The following PCNX2 variants were observed in gnomAD, a reference collection of about 807,000 sequenced individuals.
PCNX2 encodes pecanex 2.
A neutral mutation model predicts 223.8 loss-of-function variants in PCNX2; 168 were observed. The ratio of observed to expected loss-of-function variants is 0.75; its 90% CI spans 0.66 to 0.85. The LOEUF is 0.85. PCNX2 is among the 40% of genes least tolerant of loss of function. The probability of loss-of-function intolerance (pLI) is 0.00; values close to 1 mark genes in which losing one functional copy is unlikely to be tolerated. For missense variants in PCNX2, 2,507 were observed against 2,675.5 expected (o/e 0.94, Z 1.39); for synonymous variants, 1,006 against 1,052.6 (o/e 0.96, Z 0.86).
At position 233,081,472 on chromosome 1, in the gene PCNX2, T is replaced by G. The variant is rs1673355798; in HGVS notation, c.4076+8589A>C. On this transcript the variant is annotated intron_variant, in intron 23 of 33. Coordinates refer to ENST00000258229, the MANE Select transcript of PCNX2 (RefSeq NM_014801.4). ...TGTTGTCCATGAGGATCATCGAGGCTTCATTCCTGTTCTTATGCATCCCTG... is the reference window on the plus strand; with the variant it reads ...TGTTGTCCATGAGGATCATCGAGGCGTCATTCCTGTTCTTATGCATCCCTG... Among the ~76,000 whole-genome samples the G allele has an allele frequency of 1.3e-5, 2 of 152,254 alleles. 1 individual carries two copies. Among genetic ancestry groups the G allele is most frequent in the South Asian group, 4.1e-4 (2 of 4,834 alleles).
At chr1:233,278,393 A>G (rs1320738491) in intron 1 of PCNX2, among the ~76,000 whole-genome samples, 1 of 152,002 alleles carries the variant, frequency 6.6e-6, no homozygotes, top group Non-Finnish European at 1.5e-5. Context: ...CTCTCTGGGG[A>G]CTCTTGAGAT....
intron 15 of PCNX2, among the ~76,000 whole-genome samples, chr1:233,197,974 T>C (rs1319384393): frequency 6.6e-6 from 1 of 152,162 alleles, no homozygotes; most frequent in Non-Finnish European, 1.5e-5. Flanking sequence ...ATGTATAATA[T>C]TAATTTATTT....
rs1238939829 is a variant in PCNX2, at chr1:233,216,781, A to C, written c.2691+1118T>G. On this transcript the variant is annotated intron_variant, in intron 12 of 33. Coordinates refer to ENST00000258229, the MANE Select transcript of PCNX2 (RefSeq NM_014801.4). Reference sequence around the variant, plus strand: ...CCATGTTCATTGCAACACTGTTCACAATAGCCAAGACATGGTATCAACCTA... The same window carrying C: ...CCATGTTCATTGCAACACTGTTCACCATAGCCAAGACATGGTATCAACCTA... Among the ~76,000 whole-genome samples, 4 of 152,336 alleles carry C rather than the reference A, an allele frequency of 2.6e-5. No individual in the cohort carries two copies. The East Asian group carries it at 5.8e-4, about 22-fold the overall frequency.
At chr1:233,047,715 T>C (rs571346844) in intron 25 of PCNX2, among the ~76,000 whole-genome samples, 23 of 152,232 alleles carry the variant, frequency 1.5e-4, no homozygotes, top group South Asian at 6.2e-4. Flanking sequence ...CAAGTACTTA[T>C]AGAGCTATGA....
intron 1 of PCNX2, among the ~76,000 whole-genome samples, chr1:233,270,298 A>G (rs1021495640): frequency 1.3e-5 from 2 of 152,162 alleles, no homozygotes; most frequent in African/African-American, 4.8e-5. Flanking sequence ...TATTTCATGC[A>G]TTTCTTTTAT....
At chr1:232,989,183 G>A (rs1001023103) in intron 32 of PCNX2, among the ~76,000 whole-genome samples, 19 of 152,176 alleles carry the variant, frequency 1.2e-4, no homozygotes, top group Admixed American at 9.2e-4. Context: ...GGCCGGGCAC[G>A]GTGGCTCACG....
At chr1:233,005,094 T>C (rs1023652624) in intron 28 of PCNX2, among the ~76,000 whole-genome samples, 1 of 152,074 alleles carries the variant, frequency 6.6e-6, no homozygotes, top group Non-Finnish European at 1.5e-5. Flanking sequence ...AAGAAAACAT[T>C]TGGAAATGCT....
At chr1:232,986,763 G>T (rs1448064093) in intron 32 of PCNX2, among the ~76,000 whole-genome samples, 1 of 152,164 alleles carries the variant, frequency 6.6e-6, no homozygotes, top group Non-Finnish European at 1.5e-5. Flanking sequence ...GGCACCCAAG[G>T]GTGGGGGCTG....
chr1:233,317,353 G>A, the PCNX2 span, among the ~76,000 whole-genome samples: 2 of 152,172 alleles, frequency 1.3e-5, no homozygotes, highest in African/African-American at 4.8e-5. Context: ...GGCAAAGGTT[G>A]CAGTGAGCTG....
intron 25 of PCNX2, among the ~76,000 whole-genome samples, chr1:233,034,172 G>C (rs753037919): frequency 6.6e-6 from 1 of 152,132 alleles, no homozygotes; most frequent in African/African-American, 2.4e-5. Flanking sequence ...AGATCGTGCC[G>C]CTGCCCTCCA....
At chr1:233,032,738 CTA>C (rs377399156) in intron 25 of PCNX2, among the ~76,000 whole-genome samples, 22 of 152,220 alleles carry the variant, frequency 1.4e-4, no homozygotes, top group African/African-American at 5.3e-4. Flanking sequence ...GCACAGTAGA[CTA>C]TGAGGAACAC....
chr1:233,028,474 A>T (rs889781410), intron 25 of PCNX2, among the ~76,000 whole-genome samples: 3 of 152,210 alleles, frequency 2.0e-5, no homozygotes, highest in Non-Finnish European at 2.9e-5. Context: ...ATTATTATGA[A>T]ATATACTTCT....
chr1:233,238,693 CA>C (rs397725959), intron 8 of PCNX2, among the ~76,000 whole-genome samples: 70 of 130,616 alleles, frequency 5.4e-4, no homozygotes, highest in South Asian at 1.6e-3. Flanking sequence ...GATCCTGTCT[CA>C]AAAAAAAAAA....
chr1:233,140,023 T>C (rs1204778391), intron 19 of PCNX2, among the ~76,000 whole-genome samples, 168 bp from the exon 20 acceptor site: 1 of 150,162 alleles, frequency 6.7e-6, no homozygotes, highest in African/African-American at 2.5e-5. Flanking sequence ...AACTGTTAGC[T>C]TTGCTTCTAC....
intron 26 of PCNX2, among the ~76,000 whole-genome samples, chr1:233,023,111 C>T (rs721887): frequency 0.23 from 35,376 of 152,076 alleles, 6,401 homozygotes; most frequent in African/African-American, 0.51. Context: ...ACTTGCTTCA[C>T]GGGCCTGTGA....
intron 13 of PCNX2, among the ~76,000 whole-genome samples, chr1:233,208,129 G>C (rs921759415): frequency 1.3e-5 from 2 of 152,044 alleles, no homozygotes; most frequent in East Asian, 1.9e-4. Context: ...CTAATTTTTT[G>C]TATCTTTTTA....
At chr1:233,038,358 G>T (rs1049710361) in intron 25 of PCNX2, among the ~76,000 whole-genome samples, 5 of 152,096 alleles carry the variant, frequency 3.3e-5, no homozygotes, top group African/African-American at 1.2e-4. Flanking sequence ...AGAGTCCTTA[G>T]AATAAATATT....
Position 233,253,004 on chromosome 1 carries a change from T to C in PCNX2, c.1835-216A>G, listed in dbSNP as rs1035471625. ...GTATGTATAAGTTTGAGACATGTTA[T>C]TTAGGTGTCTACAAACACCTACTAT... is the stretch of plus-strand genomic sequence containing the variant. On this transcript the variant is annotated intron_variant, in intron 5 of 33. Transcript: ENST00000258229. The surrounding 1 kb of genome is among the most constrained non-coding windows in gnomAD (Gnocchi z 4.2). Among the ~76,000 whole-genome samples, 2 of 152,226 alleles carry C rather than the reference T, an allele frequency of 1.3e-5. No individual in the cohort carries two copies. Among genetic ancestry groups the C allele is most frequent in the African/African-American group, 2.4e-5 (1 of 41,458 alleles).
chr1:233,197,340 G>A (rs1404329577), intron 15 of PCNX2, among the ~76,000 whole-genome samples: 3 of 152,116 alleles, frequency 2.0e-5, no homozygotes, highest in African/African-American at 7.2e-5. Flanking sequence ...AAACACCTGT[G>A]ACCCCAGAGT....
Sources: allele counts gnomAD v4.1 joint callset (sites outside exome capture counted in the v4.1 genomes callset), GRCh38; gene constraint gnomAD v4.1.1; non-coding constraint Gnocchi (gnomAD v3.1); transcripts MANE v1.5; gene names NCBI Gene and HGNC (gene_info 2026-07-23, HGNC 2026-07-21).